The following DPYD variants were observed in gnomAD, a reference collection of about 807,000 sequenced individuals.
The protein encoded by DPYD is dihydropyrimidine dehydrogenase.
DPYD carries 109 observed loss-of-function variants against 116.2 expected under a neutral mutation model. The ratio of observed to expected loss-of-function variants is 0.94; its 90% confidence interval spans 0.80 to 1.10. DPYD has a LOEUF of 1.10. Among genes scored for constraint, DPYD ranks in the 50% least tolerant of loss-of-function variants. The pLI is 0.00. For synonymous variants in DPYD, 440 were observed against 432.0 expected (o/e 1.02, Z -0.23); for missense variants, 1,302 against 1,254.5 (o/e 1.04, Z -0.57).
chr1:97,606,934 A>C (rs908640120), intron 8 of DPYD, among the ~76,000 whole-genome samples: 8 of 151,956 alleles, frequency 5.3e-5, no homozygotes, highest in African/African-American at 1.7e-4. Flanking sequence ...TCCTGGGGCA[A>C]CAATTTCACT....
At chr1:97,477,336 C>G (rs976178986) in intron 13 of DPYD, among the ~76,000 whole-genome samples, 1 of 152,176 alleles carries the variant, frequency 6.6e-6, no homozygotes, top group Non-Finnish European at 1.5e-5. Flanking sequence ...CATGAGATTG[C>G]AGGAATTAAG....
At chr1:97,741,818 AG>A (rs1375952009) in intron 3 of DPYD, among the ~76,000 whole-genome samples, 1 of 152,104 alleles carries the variant, frequency 6.6e-6, no homozygotes, top group African/African-American at 2.4e-5. Flanking sequence ...TAGCATGCTA[AG>A]GGAGCACAGA....
intron 20 of DPYD, among the ~76,000 whole-genome samples, chr1:97,102,396 C>CATATATATATAT (rs372249411): frequency 0.052 from 5,024 of 97,014 alleles, 339 homozygotes; most frequent in Middle Eastern, 0.095. Context: ...CACTCAGTAT[C>CATATATATATAT]ATATATATAT....
intron 14 of DPYD, among the ~76,000 whole-genome samples, chr1:97,420,366 C>T (rs1398991733): frequency 6.6e-6 from 1 of 152,138 alleles, no homozygotes; most frequent in East Asian, 1.9e-4. Flanking sequence ...ATGAAAGAGT[C>T]TGTGTTTAAT....
At chr1:97,894,089 G>T (rs1249406544) in intron 1 of DPYD, among the ~76,000 whole-genome samples, 1 of 151,734 alleles carries the variant, frequency 6.6e-6, no homozygotes, top group Non-Finnish European at 1.5e-5. Context: ...CTCACAGTTA[G>T]AGAGGCTGGA....
At chr1:97,693,117 C>T (rs1166763553) in intron 6 of DPYD, among the ~76,000 whole-genome samples, 2 of 151,278 alleles carry the variant, frequency 1.3e-5, no homozygotes, top group Admixed American at 1.3e-4. Flanking sequence ...GGTGAAACCC[C>T]GTCTCTACTA....
At chr1:97,429,212 TA>T (rs1273337360) in intron 14 of DPYD, among the ~76,000 whole-genome samples, 1 of 152,096 alleles carries the variant, frequency 6.6e-6, no homozygotes, top group Non-Finnish European at 1.5e-5. Context: ...AATGAAGAAT[TA>T]TCATTTGTTT....
intron 13 of DPYD, among the ~76,000 whole-genome samples, chr1:97,473,645 T>C (rs1677782865): frequency 6.6e-6 from 1 of 152,096 alleles, no homozygotes; most frequent in South Asian, 2.1e-4. Context: ...CAAGTATTGG[T>C]GAAGGTGTGG....
intron 5 of DPYD, among the ~76,000 whole-genome samples, chr1:97,701,529 T>C (rs900520016): frequency 7.9e-5 from 12 of 151,684 alleles, no homozygotes; most frequent in South Asian, 2.1e-4. Flanking sequence ...AAGCAGTAAC[T>C]TTCTCTCCTG....
At chr1:97,504,658 A>C (rs114523784) in intron 13 of DPYD, among the ~76,000 whole-genome samples, 252 of 152,170 alleles carry the variant, frequency 1.7e-3, no homozygotes, top group Non-Finnish European at 3.0e-3. Context: ...ATGTCTCCTA[A>C]AGAGGAATAT....
rs193026586 is a variant in DPYD at position 97,473,628 on chromosome 1, G to C, written c.1741-23405C>G. Reference sequence around the variant, plus strand: ...TGGATGGCTAGTATCAAAAAGTCAAGGGACAACAAGTATTGGTGAAGGTGT... The same window carrying C: ...TGGATGGCTAGTATCAAAAAGTCAACGGACAACAAGTATTGGTGAAGGTGT... On this transcript the variant is annotated intron_variant, in intron 13 of 22. Coordinates refer to ENST00000370192, the MANE Select transcript of DPYD (RefSeq NM_000110.4). 2.6e-5 allele frequency among the ~76,000 whole-genome samples: 4 copies of C among 152,228 alleles called. No individual in the cohort carries two copies. In the East Asian group the frequency reaches 7.7e-4, roughly 29 times the overall value.
intron 16 of DPYD, among the ~76,000 whole-genome samples, chr1:97,367,427 T>C (rs1433661383): frequency 6.6e-6 from 1 of 152,208 alleles, no homozygotes; most frequent in East Asian, 1.9e-4. Flanking sequence ...TTAAACCTTT[T>C]ATTCTTGCTT....
intron 20 of DPYD, among the ~76,000 whole-genome samples, chr1:97,117,390 A>C (rs956931839): frequency 1.3e-5 from 2 of 152,214 alleles, no homozygotes; most frequent in Non-Finnish European, 2.9e-5. Context: ...CCATATGCTA[A>C]AGCAAAGCTT....
chr1:97,805,088 C>T (rs962782980), intron 3 of DPYD, among the ~76,000 whole-genome samples: 1 of 151,762 alleles, frequency 6.6e-6, no homozygotes, highest in Admixed American at 6.6e-5. Context: ...ACAGTCAGTC[C>T]CACTGACAGA....
intron 3 of DPYD, among the ~76,000 whole-genome samples, chr1:97,757,277 G>C (rs1665302752): frequency 1.3e-5 from 2 of 152,132 alleles, no homozygotes; most frequent in Non-Finnish European, 2.9e-5. Flanking sequence ...GAGATCAGGG[G>C]ATCAGGAACG....
chr1:97,785,537 G>A (rs1046784945), intron 3 of DPYD, among the ~76,000 whole-genome samples: 24 of 152,122 alleles, frequency 1.6e-4, no homozygotes, highest in African/African-American at 3.9e-4. Flanking sequence ...CTTCAATGCC[G>A]TATGTTTTTA....
intron 18 of DPYD, among the ~76,000 whole-genome samples, chr1:97,274,561 A>G (rs1664815424): frequency 6.6e-6 from 1 of 152,172 alleles, no homozygotes; most frequent in Admixed American, 6.6e-5. Flanking sequence ...AGCCTTGGGT[A>G]TTCCTTTATA....
At chr1:97,756,154 T>C (rs1014352229) in intron 3 of DPYD, among the ~76,000 whole-genome samples, 10 of 152,134 alleles carry the variant, frequency 6.6e-5, no homozygotes, top group African/African-American at 2.4e-4. Context: ...AAGTAGTATG[T>C]TGAATAAAAA....
chr1:97,870,189 G>A (rs1671587385), intron 2 of DPYD, among the ~76,000 whole-genome samples: 1 of 151,766 alleles, frequency 6.6e-6, no homozygotes, highest in East Asian at 1.9e-4. Context: ...AATCTAAATA[G>A]ATATTAGAAA....
Sources: gnomAD v4.1 joint callset for allele counts (sites outside exome capture counted in the v4.1 genomes callset) on GRCh38, gnomAD v4.1.1 for gene constraint, MANE v1.5 for transcripts, NCBI Gene and HGNC (gene_info 2026-07-23, HGNC 2026-07-21) for gene names.